SMAD7: variants seen among roughly 807,000 people sequenced by gnomAD.
The protein encoded by SMAD7 is MAD (mothers against decapentaplegic, Drosophila) homolog 7.
In SMAD7, 8 loss-of-function variants were observed where a neutral mutation model predicts 38.7. The ratio of observed to expected loss-of-function variants is 0.21; its 90% CI spans 0.12 to 0.37. The LOEUF (loss-of-function observed/expected upper bound fraction) is 0.37, where lower values mean the gene tolerates loss of function less well. Ranked by LOEUF, SMAD7 falls within the 10% of genes least tolerant of loss-of-function variation. The pLI, the probability that SMAD7 is intolerant of heterozygous loss-of-function variation, is 1.00. For synonymous variants in SMAD7, 327 were observed against 265.1 expected, an observed-to-expected ratio of 1.23 and a Z score of -2.27; for missense variants, 477 against 577.9, an observed-to-expected ratio of 0.83 and a Z score of 1.79.
At position 48,949,808 on chromosome 18, in the gene SMAD7, T is replaced by TCA. The variant is rs770562453; in HGVS notation, c.613+2_613+3dup. 3.1e-6 allele frequency: 5 copies of TCA among 1,602,856 alleles called. No homozygotes were observed. Among genetic ancestry groups the TCA allele is most frequent in the Non-Finnish European group, 4.3e-6 (5 of 1,174,216 alleles). ...ATGTTGGGGGTAGGGGGACAACTTC[T>TCA]CACCTAGTTCGCAGAGTCGGCTAAG... On this transcript the variant is annotated splice_donor_region_variant and intron_variant, in intron 1 of 3. Coordinates refer to ENST00000262158, the MANE Select transcript of SMAD7 (RefSeq NM_005904.4).
At chr18:48,933,094 G>A (rs889849968) in intron 3 of SMAD7, among the ~76,000 whole-genome samples, 1 of 152,154 alleles carries the variant, frequency 6.6e-6, no homozygotes, top group South Asian at 2.1e-4. Context: ...AAGAAGCGGG[G>A]TGGGGAGGCG....
At position 48,948,376 on chromosome 18, in the gene SMAD7, C is replaced by T. The variant is rs3736242; in HGVS notation, c.667+8G>A. 359,283 of 1,569,362 alleles carry T rather than the reference C, an allele frequency of 0.23. 42,251 individuals carry two copies. Among genetic ancestry groups the T allele is most frequent in the East Asian group, 0.3 (13,244 of 43,652 alleles). The stretch of plus-strand genomic sequence containing the variant: ...ATAAGCAGGATATTTTAAAAATCAT[C>T]TACTCACCAGTTGGTTTGAGAAAAT... On this transcript the variant is annotated splice_region_variant and intron_variant, in intron 2 of 3. Transcript: ENST00000262158.
In SMAD7 at chr18:48,950,194, C is replaced by G. The variant is rs1045669229; in HGVS notation, c.231G>C (p.Pro77=). ...RGAKGHHHPH[P]PAAGAGAAGG... is the part of the protein sequence containing the mutation. The stretch of plus-strand genomic sequence containing the variant: ...CGGCCGCGCCGGCGCCCGCGGCTGG[C>G]GGGTGGGGATGGTGGTGACCTTTGG... Residue 77 remains proline (P), a synonymous_variant, in exon 1 of 4, where the codon CCG becomes CCC. Transcript: ENST00000262158. 15 of 1,486,816 alleles carry G rather than the reference C, an allele frequency of 1.0e-5. No homozygotes were observed. Among genetic ancestry groups the G allele is most frequent in the Non-Finnish European group, 1.3e-5 (15 of 1,124,334 alleles). 92.1% of individuals were successfully genotyped at this position (1,486,816 alleles called of 1,614,324 possible). A position where few individuals can be genotyped will look rare whatever the true frequency, so the allele number is the denominator to read the frequency against.
chr18:48,950,608 G>A lies in SMAD7; in HGVS notation c.-184C>T. 1 of 362,158 alleles carries A rather than the reference G, an allele frequency of 2.8e-6. No individual in the cohort carries two copies. Among genetic ancestry groups the A allele is most frequent in the Non-Finnish European group, 4.5e-6 (1 of 220,914 alleles). The allele number at this position is 362,158 out of a possible 1,614,324, so 22.4% of individuals were successfully genotyped here. On this transcript the variant is annotated 5_prime_UTR_variant, in exon 1 of 4. Coordinates refer to ENST00000262158, the MANE Select transcript of SMAD7 (RefSeq NM_005904.4). ...GCTCCGTGGCATGCGCCAGTCTCCC[G>A]GAGGCCGGGGCGCGCGCGGGGGCCC...
Position 48,950,183 on chromosome 18 carries a change from C to T in SMAD7, c.242G>A (p.Gly81Asp). The T allele has an allele frequency of 2.0e-6, 3 of 1,484,386 alleles. No individual in the cohort carries two copies. Among genetic ancestry groups the T allele is most frequent in the Non-Finnish European group, 2.7e-6 (3 of 1,123,820 alleles). The allele number at this position is 1,484,386 out of a possible 1,614,324, so 92.0% of individuals were successfully genotyped here. A position where few individuals can be genotyped will look rare whatever the true frequency, so the allele number is the denominator to read the frequency against. The change falls in exon 1 of 4, where the codon GGC becomes GAC. Residue 81 changes from glycine to aspartate, a missense_variant. Physicochemically the swap from Gly to Asp is moderately conservative, Grantham distance 94. Around this residue, in one of 2 missense-constraint regions of SMAD7, gnomAD observed 376 missense variants for 379.4 expected, o/e 0.99. Transcript: ENST00000262158. Reference protein sequence around the residue: ...GHHHPHPPAAGAGAAGGAEAD... With the variant: ...GHHHPHPPAADAGAAGGAEAD... ...CTCGGCGCCCCCGGCCGCGCCGGCG[C>T]CCGCGGCTGGCGGGTGGGGATGGTG... is the stretch of plus-strand genomic sequence containing the variant.
intron 3 of SMAD7, among the ~76,000 whole-genome samples, chr18:48,939,145 C>T (rs554713215): frequency 6.6e-6 from 1 of 150,540 alleles, no homozygotes; most frequent in Non-Finnish European, 1.5e-5. Context: ...TGCGGCAAAA[C>T]CCACCCACCC....
intron 2 of SMAD7, among the ~76,000 whole-genome samples, chr18:48,947,828 T>G (rs1325012540): frequency 2.0e-5 from 3 of 150,406 alleles, no homozygotes; most frequent in Non-Finnish European, 4.4e-5. Context: ...ATAGTCCCTA[T>G]GGCGAATACT....
At chr18:48,930,728 A>G (rs1485562459) in intron 3 of SMAD7, among the ~76,000 whole-genome samples, 1 of 152,126 alleles carries the variant, frequency 6.6e-6, no homozygotes, top group Non-Finnish European at 1.5e-5. Flanking sequence ...CCGACACATG[A>G]GGCACAAGTC....
chr18:48,943,583 A>G (rs971190192), intron 2 of SMAD7, among the ~76,000 whole-genome samples: 26 of 152,236 alleles, frequency 1.7e-4, no homozygotes, highest in African/African-American at 6.3e-4. Flanking sequence ...AAACTCCCTG[A>G]AGTCCTAGCG....
At chr18:48,947,889 C>T (rs896201642) in intron 2 of SMAD7, among the ~76,000 whole-genome samples, 1 of 123,542 alleles carries the variant, frequency 8.1e-6, no homozygotes, top group African/African-American at 3.7e-5. Context: ...GCAGGAGGAA[C>T]CTACCCCCCC....
At chr18:48,930,632 C>T (rs374904974) in intron 3 of SMAD7, among the ~76,000 whole-genome samples, 3 of 152,220 alleles carry the variant, frequency 2.0e-5, no homozygotes, top group African/African-American at 2.4e-5. Flanking sequence ...GTCCCCTCCC[C>T]GCTTTCTCAC....
At chr18:48,939,221 G>A (rs2070107794) in intron 3 of SMAD7, among the ~76,000 whole-genome samples, 1 of 138,792 alleles carries the variant, frequency 7.2e-6, no homozygotes, top group African/African-American at 2.8e-5. Flanking sequence ...CAATCCATCT[G>A]TCTCAGAGAG....
At chr18:48,949,024 TAAAAG>T (rs2070230472) in intron 1 of SMAD7, among the ~76,000 whole-genome samples, 1 of 151,926 alleles carries the variant, frequency 6.6e-6, no homozygotes, top group South Asian at 2.1e-4. Context: ...GCTGAGAGGA[TAAAAG>T]GAAAGGAGTT....
intron 3 of SMAD7, among the ~76,000 whole-genome samples, chr18:48,932,125 C>T (rs1297771336): frequency 1.3e-5 from 2 of 152,148 alleles, no homozygotes; most frequent in Non-Finnish European, 2.9e-5. Flanking sequence ...GGGGGTGGGG[C>T]AGGGCTGGCT....
intron 2 of SMAD7, among the ~76,000 whole-genome samples, chr18:48,943,788 CT>C (rs2070167739): frequency 6.6e-6 from 1 of 152,114 alleles, no homozygotes; most frequent in Admixed American, 6.5e-5. Flanking sequence ...CATGGGAATC[CT>C]TTAGTGGCCT....
At position 48,950,348 on chromosome 18, in the gene SMAD7, T is replaced by G. The variant is rs1307760069; in HGVS notation, c.77A>C (p.Glu26Ala). 3.2e-6 allele frequency: 5 copies of G among 1,541,734 alleles called. No homozygotes were observed. The South Asian group carries it at 4.8e-5, about 15-fold the overall frequency. The part of the protein sequence containing the change: ...SRAPGGEDEE[E>A]GAGGGGGGGE... ...TCCTCCTCCACCTCCCCCTGCGCCCTCCTCCTCGTCCTCGCCGCCGGGCGC... is the reference window on the plus strand; with the variant it reads ...TCCTCCTCCACCTCCCCCTGCGCCCGCCTCCTCGTCCTCGCCGCCGGGCGC... The change falls in exon 1 of 4, where the codon GAG becomes GCG. Residue 26 changes from glutamate to alanine, a missense_variant. By Grantham distance (107) the Glu-to-Ala change is moderately radical. Transcript: ENST00000262158.
Position 48,949,858 on chromosome 18 carries a change from C to T in SMAD7, c.567G>A (p.Glu189=). The T allele has an allele frequency of 6.2e-7, 1 of 1,612,756 alleles. No homozygotes were observed. Among genetic ancestry groups the T allele is most frequent in the Admixed American group, 1.7e-5 (1 of 59,904 alleles). The part of the protein sequence containing the change: ...CCESYGKINP[E]LVCCNPHHLS... ...GGTGATGGGGGTTGCAGCACACCAG[C>T]TCGGGGTTGATCTTCCCGTAAGATT... The change falls in exon 1 of 4, where the codon GAG becomes GAA. Residue 189 remains glutamate, a synonymous_variant. Transcript: ENST00000262158.
At chr18:48,930,175 C>G (rs540358594) in intron 3 of SMAD7, 4 of 152,710 alleles carry the variant, frequency 2.6e-5, no homozygotes, top group African/African-American at 9.6e-5. Context: ...CAGGGCCGCA[C>G]TGTACTTAGA....
chr18:48,945,914 A>G (rs548733884), intron 2 of SMAD7, among the ~76,000 whole-genome samples: 1 of 152,242 alleles, frequency 6.6e-6, no homozygotes, highest in South Asian at 2.1e-4. Flanking sequence ...TCTGACAGCC[A>G]CAAGTCACAA....
Sources: gnomAD v4.1 joint callset for allele counts (sites outside exome capture counted in the v4.1 genomes callset) on GRCh38, gnomAD v4.1.1 for gene constraint, gnomAD v4.1.1 regional missense constraint, MANE v1.5 for transcripts, NCBI Gene and HGNC (gene_info 2026-07-23, HGNC 2026-07-21) for gene names.